SGCD: variants seen among roughly 807,000 people sequenced by gnomAD.
SGCD encodes delta-sarcoglycan.
A neutral mutation model predicts 36.6 loss-of-function variants in SGCD; 18 were observed. The observed-to-expected ratio is 0.49, with a 90% CI of 0.34 to 0.73. The LOEUF (loss-of-function observed/expected upper bound fraction) is 0.73, where lower values mean the gene tolerates loss of function less well. Among genes scored for constraint, SGCD ranks in the 30% least tolerant of loss-of-function variants. The pLI, the probability that SGCD is intolerant of heterozygous loss-of-function variation, is 0.01. For synonymous variants in SGCD, 133 were observed against 130.6 expected (o/e 1.02, Z -0.12); for missense variants, 387 against 346.7 (o/e 1.12, Z -0.92).
chr5:156,630,144 T>C (rs1762579322), intron 6 of SGCD, among the ~76,000 whole-genome samples: 1 of 152,222 alleles, frequency 6.6e-6, no homozygotes, highest in South Asian at 2.1e-4. Context: ...ATTACAGGCC[T>C]GAGTCACCAC....
At chr5:156,529,804 C>A (rs1757810114) in intron 4 of SGCD, among the ~76,000 whole-genome samples, 2 of 152,190 alleles carry the variant, frequency 1.3e-5, no homozygotes, top group Non-Finnish European at 2.9e-5. Context: ...CCTTTTGATG[C>A]AGCACTCTAT....
At position 156,763,453 on chromosome 5, in the gene SGCD, A is replaced by C. The variant is rs1455318889; in HGVS notation, c.*4063A>C. The C allele has an allele frequency of 1.3e-5, 2 of 152,644 alleles. No individual in the cohort carries two copies. The highest frequency in any genetic ancestry group is 2.9e-5 in the Non-Finnish European group (2 of 68,050). The allele number at this position is 152,644 out of a possible 1,614,324, so 9.5% of individuals were successfully genotyped here. On this transcript the variant is annotated 3_prime_UTR_variant, in exon 9 of 9. Transcript: ENST00000337851. ...GAAAAAGCAAAATACATGGGGACAAAAAAAATACAGTGAAATTCTTTTTAT... is the reference window on the plus strand; with the variant it reads ...GAAAAAGCAAAATACATGGGGACAACAAAAATACAGTGAAATTCTTTTTAT...
chr5:156,607,846 T>C (rs576206901), intron 6 of SGCD, among the ~76,000 whole-genome samples: 1 of 152,144 alleles, frequency 6.6e-6, no homozygotes, highest in African/African-American at 2.4e-5. Context: ...GGTGTTTATA[T>C]TATTCTCTGA....
chr5:156,130,719 T>A (rs1407220811), intron 3 of SGCD, among the ~76,000 whole-genome samples: 1 of 152,042 alleles, frequency 6.6e-6, no homozygotes, highest in Admixed American at 6.6e-5. Context: ...GTTTTTCTTT[T>A]CTTTCTTTCT....
Position 156,164,110 on chromosome 5 carries a change from A to G in SGCD, c.-44+40091A>G, listed in dbSNP as rs538706246. ...GGAGAATGGCAGGAAAGCTAATACC[A>G]TTTTATAAAATGACTCTAAAATGAG... On this transcript the variant is annotated intron_variant, in intron 3 of 9. Coordinates refer to the SGCD transcript ENST00000517913. Among the ~76,000 whole-genome samples, 6 of 151,244 alleles carry G rather than the reference A, an allele frequency of 4.0e-5. No homozygotes were observed. The South Asian group carries it at 1.2e-3, about 31-fold the overall frequency.
intron 1 of SGCD, among the ~76,000 whole-genome samples, chr5:156,095,766 G>A (rs1342583816): frequency 6.6e-6 from 1 of 152,202 alleles, no homozygotes; most frequent in South Asian, 2.1e-4. Context: ...TCAAGTGGCT[G>A]GGTAAAGAGT....
chr5:156,734,207 C>G (rs561530734), intron 7 of SGCD, among the ~76,000 whole-genome samples: 2 of 152,194 alleles, frequency 1.3e-5, no homozygotes, highest in East Asian at 1.9e-4. Flanking sequence ...AATACTGTCC[C>G]CCAATCTCTT....
At chr5:156,539,851 G>T (rs970984823) in intron 4 of SGCD, among the ~76,000 whole-genome samples, 2 of 152,088 alleles carry the variant, frequency 1.3e-5, no homozygotes, top group African/African-American at 4.8e-5. Context: ...AATGGCAACA[G>T]GATATGTTGG....
At chr5:155,955,771 T>G (rs553556652) in intron 1 of SGCD, among the ~76,000 whole-genome samples, 1 of 151,940 alleles carries the variant, frequency 6.6e-6, no homozygotes, top group South Asian at 2.1e-4. Flanking sequence ...GAGTAACAGA[T>G]TATGAACAGA....
intron 7 of SGCD, among the ~76,000 whole-genome samples, chr5:156,650,465 G>T (rs1048830164): frequency 6.6e-6 from 1 of 152,042 alleles, no homozygotes; most frequent in Non-Finnish European, 1.5e-5. Context: ...TACCCAATAG[G>T]TAGTTTTTCA....
intron 3 of SGCD, among the ~76,000 whole-genome samples, chr5:156,231,468 G>A (rs895985812): frequency 7.2e-5 from 11 of 152,130 alleles, no homozygotes; most frequent in Middle Eastern, 3.2e-3. Context: ...CCTGGAAGGC[G>A]GAGGTTGCAG....
At chr5:156,014,428 G>A (rs570035441) in intron 1 of SGCD, among the ~76,000 whole-genome samples, 38 of 152,124 alleles carry the variant, frequency 2.5e-4, no homozygotes, top group Non-Finnish European at 4.6e-4. Flanking sequence ...TATCATCCAT[G>A]TGTATATATT....
At chr5:156,658,582 T>C (rs1763780884) in intron 7 of SGCD, among the ~76,000 whole-genome samples, 1 of 78,158 alleles carries the variant, frequency 1.3e-5, no homozygotes, top group African/African-American at 6.4e-5. Context: ...GCAGAAGAAT[T>C]TTTCTTAGCA....
chr5:156,426,339 C>A lies in SGCD; in HGVS notation c.192+81662C>A, dbSNP rs1207455716. 2.0e-5 allele frequency among the ~76,000 whole-genome samples: 3 copies of A among 151,974 alleles called. No individual in the cohort carries two copies. In the East Asian group the frequency reaches 5.8e-4, roughly 29 times the overall value. On this transcript the variant is annotated intron_variant, in intron 3 of 8. Transcript: ENST00000337851. Reference sequence around the variant, plus strand: ...TTCCCTGATAATTAGTGATGTTGAGCATTTTTTATGTTCATTGGCCATTTG... The same window carrying A: ...TTCCCTGATAATTAGTGATGTTGAGAATTTTTTATGTTCATTGGCCATTTG...
At chr5:156,235,418 G>T (rs1367630423) in intron 3 of SGCD, among the ~76,000 whole-genome samples, 1 of 152,160 alleles carries the variant, frequency 6.6e-6, no homozygotes, top group African/African-American at 2.4e-5. Context: ...TTGGTTTGAC[G>T]TGTCACCTCA....
Position 156,158,733 on chromosome 5 carries a change from T to C in SGCD, c.-44+34714T>C, listed in dbSNP as rs371539026. 3.7e-4 allele frequency among the ~76,000 whole-genome samples: 56 copies of C among 151,696 alleles called. No homozygotes were observed. The East Asian group carries it at 9.6e-3, about 26-fold the overall frequency. ...TAGTCATTACTATCTATTTGCTCAA[T>C]TGTTTTTGAATTTATTTAGCAGGCA... On this transcript the variant is annotated intron_variant, in intron 3 of 9. Transcript: ENST00000517913.
chr5:155,862,080 T>G, the SGCD span, among the ~76,000 whole-genome samples: 1 of 152,214 alleles, frequency 6.6e-6, no homozygotes, highest in Non-Finnish European at 1.5e-5. Context: ...TCAGGAGACT[T>G]GACACATGTC....
chr5:155,831,414 C>G, the SGCD span, among the ~76,000 whole-genome samples: 1 of 152,194 alleles, frequency 6.6e-6, no homozygotes. Context: ...CTCTTTTAAC[C>G]TCTTGCTGAT....
At chr5:156,221,025 T>G (rs973467016) in intron 3 of SGCD, among the ~76,000 whole-genome samples, 2 of 152,162 alleles carry the variant, frequency 1.3e-5, no homozygotes, top group African/African-American at 4.8e-5. Context: ...GTCTCCAGAA[T>G]GAATGAATTA....
Sources: allele counts gnomAD v4.1 joint callset (sites outside exome capture counted in the v4.1 genomes callset), GRCh38; gene constraint gnomAD v4.1.1; transcripts MANE v1.5; gene names NCBI Gene and HGNC (gene_info 2026-07-23, HGNC 2026-07-21).